The following VGLL4 variants were observed in gnomAD, a reference collection of about 807,000 sequenced individuals.
VGLL4 encodes the protein vestigial like family member 4.
A neutral mutation model predicts 21.0 loss-of-function variants in VGLL4; 7 were observed. That is an observed-to-expected ratio of 0.33 (90% CI 0.19 to 0.63). The LOEUF is 0.63. VGLL4 is among the 20% of genes least tolerant of loss of function. VGLL4 has a pLI of 0.78. For synonymous variants in VGLL4, 222 were observed against 173.2 expected (o/e 1.28, Z -2.21); for missense variants, 394 against 425.7 (o/e 0.93, Z 0.66).
chr3:11,668,623 T>C (rs893611696), intron 2 of VGLL4, among the ~76,000 whole-genome samples: 2 of 152,180 alleles, frequency 1.3e-5, no homozygotes, highest in Admixed American at 6.5e-5. Context: ...AAACCTTCAA[T>C]GGCCACAGTA....
intron 2 of VGLL4, among the ~76,000 whole-genome samples, chr3:11,661,672 G>A (rs972958974): frequency 3.3e-5 from 5 of 151,868 alleles, no homozygotes; most frequent in African/African-American, 7.3e-5. Flanking sequence ...GGGTTTTGCC[G>A]TGTTGGCCAT....
Position 11,702,978 on chromosome 3 carries a change from G to A in VGLL4, c.57C>T (p.Asp19=), listed in dbSNP as rs368803680. 3.4e-5 allele frequency: 55 copies of A among 1,610,680 alleles called. No homozygotes were observed. The African/African-American group carries it at 4.3e-4, about 13-fold the overall frequency. Residue 19 remains aspartate (D), a synonymous_variant, in exon 2 of 6, where the codon GAC becomes GAT. Transcript: ENST00000273038. Reference sequence around the variant, plus strand: ...AATAGACTCCTCACTTACGTTTTTCGTCATCAGCATGCACCAGAGATGCTG... The same window carrying A: ...AATAGACTCCTCACTTACGTTTTTCATCATCAGCATGCACCAGAGATGCTG...
upstream of VGLL4, among the ~76,000 whole-genome samples, chr3:11,644,881 A>G (rs1180726831): frequency 6.6e-6 from 1 of 151,550 alleles, no homozygotes; most frequent in African/African-American, 2.4e-5. Context: ...AAAAAAGGAG[A>G]CAAGGAGAGG....
In VGLL4 at chr3:11,568,391, A is replaced by T. The variant is rs532158379; in HGVS notation, c.273-3372T>A. Reference sequence around the variant, plus strand: ...AGAGGTAAGGACGGGGCAGCCCTGCACCTAAATCTGCCATCTATGCTCCCA... The same window carrying T: ...AGAGGTAAGGACGGGGCAGCCCTGCTCCTAAATCTGCCATCTATGCTCCCA... On this transcript the variant is annotated intron_variant, in intron 2 of 4. Coordinates refer to ENST00000430365, the MANE Select transcript of VGLL4 (RefSeq NM_001128219.3). This position sits in a 1 kb window ranked among gnomAD's most constrained non-coding sequence, Gnocchi z 5.9. Among the ~76,000 whole-genome samples the T allele has an allele frequency of 3.5e-4, 54 of 152,218 alleles. No individual in the cohort carries two copies. The highest frequency in any genetic ancestry group is 1.7e-3 in the South Asian group (8 of 4,822).
At chr3:11,703,042 T>C (rs766357389) in exon 2 of VGLL4, 1 of 1,607,468 alleles carries the variant, frequency 6.2e-7, no homozygotes, top group Non-Finnish European at 8.5e-7. Flanking sequence ...CATTCCTGGT[T>C]GGAGCCTAAG....
intron 2 of VGLL4, among the ~76,000 whole-genome samples, chr3:11,677,828 C>A (rs2076315518): frequency 6.7e-6 from 1 of 148,304 alleles, no homozygotes; most frequent in East Asian, 2.0e-4. Context: ...TCGCTTGAAC[C>A]CGGGAGGCGG....
In VGLL4 at chr3:11,564,816, G is replaced by T; in HGVS notation, c.476C>A (p.Thr159Asn). 1 of 1,577,058 alleles carries T rather than the reference G, an allele frequency of 6.3e-7. No individual in the cohort carries two copies. Among genetic ancestry groups the T allele is most frequent in the Non-Finnish European group, 8.6e-7 (1 of 1,163,818 alleles). The change falls in exon 3 of 5, where the codon ACC (threonine) becomes AAC (asparagine). Residue 159 changes from threonine to asparagine, a missense_variant. By Grantham distance (65) the Thr-to-Asn change is moderately conservative. Coordinates refer to ENST00000430365, the MANE Select transcript of VGLL4 (RefSeq NM_001128219.3). ...SRPAGLSPTL[T>N]PGERQQNRPS... Reference sequence around the variant, plus strand: ...GCCCACCTGCTGCCGCTCCCCCGGGGTCAGTGTGGGCGAGAGGCCGGCTGG... The same window carrying T: ...GCCCACCTGCTGCCGCTCCCCCGGGTTCAGTGTGGGCGAGAGGCCGGCTGG...
intron 2 of VGLL4, among the ~76,000 whole-genome samples, chr3:11,591,720 A>C (rs2125245762): frequency 6.6e-6 from 1 of 152,356 alleles, no homozygotes; most frequent in East Asian, 1.9e-4. Context: ...ACTTCCAGGG[A>C]ATCTGCAGAT....
At chr3:11,661,617 G>A (rs970543353) in intron 2 of VGLL4, among the ~76,000 whole-genome samples, 1 of 151,962 alleles carries the variant, frequency 6.6e-6, no homozygotes, top group African/African-American at 2.4e-5. Flanking sequence ...GACTACAGGT[G>A]TCCACCACCA....
chr3:11,587,337 G>T (rs1286552024), intron 2 of VGLL4, among the ~76,000 whole-genome samples: 1 of 152,202 alleles, frequency 6.6e-6, no homozygotes, highest in Non-Finnish European at 1.5e-5. Context: ...CCCCTACCAA[G>T]CGTAGCCATG....
chr3:11,570,646 T>A (rs2073738318), intron 2 of VGLL4, among the ~76,000 whole-genome samples: 1 of 152,166 alleles, frequency 6.6e-6, no homozygotes, highest in Admixed American at 6.5e-5. Context: ...ACAAGGGAGT[T>A]AAGGAGATTT....
chr3:11,611,327 A>G (rs940503116), intron 1 of VGLL4, among the ~76,000 whole-genome samples: 1 of 152,206 alleles, frequency 6.6e-6, no homozygotes, highest in African/African-American at 2.4e-5. Context: ...ACAAGAGATT[A>G]GGGCAAAGAC....
chr3:11,672,837 C>G (rs2076236109), intron 2 of VGLL4, among the ~76,000 whole-genome samples: 1 of 152,192 alleles, frequency 6.6e-6, no homozygotes, highest in East Asian at 1.9e-4. Flanking sequence ...AATAAAAGCT[C>G]TCTATTTATA....
At position 11,564,906 on chromosome 3, in the gene VGLL4, G is replaced by C; in HGVS notation, c.386C>G (p.Ser129Cys). Reference sequence around the variant, plus strand: ...CTGCTCCAGGCCAAGGCTGGGGAGGGAGGTGTACAGGTGGCTGCCGTGCAG... The same window carrying C: ...CTGCTCCAGGCCAAGGCTGGGGAGGCAGGTGTACAGGTGGCTGCCGTGCAG... ...MSLHGSHLYT[S>C]LPSLGLEQPL... Residue 129 changes from serine (S) to cysteine (C), a missense_variant, in exon 3 of 5, where the codon TCC becomes TGC. Physicochemically the swap from Ser to Cys is moderately radical, Grantham distance 112. Coordinates refer to ENST00000430365, the MANE Select transcript of VGLL4 (RefSeq NM_001128219.3). The C allele has an allele frequency of 6.2e-7, 1 of 1,605,988 alleles. No individual in the cohort carries two copies. The highest frequency in any genetic ancestry group is 2.3e-5 in the East Asian group (1 of 44,398).
chr3:11,704,924 C>T (rs2076737635), intron 1 of VGLL4, among the ~76,000 whole-genome samples: 1 of 152,210 alleles, frequency 6.6e-6, no homozygotes, highest in Non-Finnish European at 1.5e-5. Flanking sequence ...GAAAACAGAA[C>T]TTGAGCGGAG....
chr3:11,665,267 C>T (rs1307175821), intron 2 of VGLL4, among the ~76,000 whole-genome samples: 1 of 151,746 alleles, frequency 6.6e-6, no homozygotes, highest in Non-Finnish European at 1.5e-5. Flanking sequence ...GCGCCTGCCA[C>T]CACGCCTGGC....
intron 2 of VGLL4, among the ~76,000 whole-genome samples, chr3:11,649,283 AAC>A (rs529528375): frequency 7.9e-4 from 121 of 152,348 alleles, no homozygotes; most frequent in African/African-American, 2.7e-3. Flanking sequence ...ATAAAACTAA[AAC>A]ACACATTATT....
intron 2 of VGLL4, among the ~76,000 whole-genome samples, chr3:11,658,862 G>T (rs1361974331): frequency 6.6e-6 from 1 of 152,122 alleles, no homozygotes; most frequent in Non-Finnish European, 1.5e-5. Flanking sequence ...GAAGACACTA[G>T]ACAAAGTACA....
Position 11,653,737 on chromosome 3 carries a change from C to T in VGLL4, c.64+49234G>A, listed in dbSNP as rs6800931. On this transcript the variant is annotated intron_variant, in intron 2 of 5. Transcript: ENST00000273038. This position sits in a 1 kb window ranked among gnomAD's most constrained non-coding sequence, Gnocchi z 4.2. ...CAGTTGTACCCGTTTATACTCCTAC[C>T]AGCAGGGTATGAGATTTCAAGTTGC... Among the ~76,000 whole-genome samples the T allele has an allele frequency of 0.15, 22,706 of 152,226 alleles. 2,016 individuals are homozygous for T. Among genetic ancestry groups the T allele is most frequent in the African/African-American group, 0.24 (10,075 of 41,524 alleles).
Sources: allele counts gnomAD v4.1 joint callset (sites outside exome capture counted in the v4.1 genomes callset), GRCh38; gene constraint gnomAD v4.1.1; non-coding constraint Gnocchi (gnomAD v3.1); transcripts MANE v1.5; gene names NCBI Gene and HGNC (gene_info 2026-07-23, HGNC 2026-07-21).